KCNK2: variants seen among roughly 807,000 people sequenced by gnomAD.
KCNK2 encodes the protein potassium channel subfamily K member 2.
KCNK2 carries 21 observed loss-of-function variants against 40.5 expected under a neutral mutation model. That is an observed-to-expected ratio of 0.52 (90% CI 0.37 to 0.75). The LOEUF (loss-of-function observed/expected upper bound fraction) is 0.75, where lower values mean the gene tolerates loss of function less well. KCNK2 is among the 30% of genes least tolerant of loss of function. The pLI is 0.00. For missense variants in KCNK2, 399 were observed against 531.6 expected (o/e 0.75, Z 2.45); for synonymous variants, 191 against 202.2 (o/e 0.94, Z 0.47).
At chr1:215,070,347 C>T (rs561911254) in intron 1 of KCNK2, among the ~76,000 whole-genome samples, 229 of 134,830 alleles carry the variant, frequency 1.7e-3, no homozygotes, top group African/African-American at 6.1e-3. Flanking sequence ...ATCTGGGAGG[C>T]GGAGCTTGCA....
intron 3 of KCNK2, among the ~76,000 whole-genome samples, chr1:215,131,685 G>A (rs921718079): frequency 7.9e-5 from 12 of 151,770 alleles, no homozygotes; most frequent in African/African-American, 2.9e-4. Flanking sequence ...ATAACAAGAA[G>A]GCCACTATGG....
At chr1:215,177,197 A>G (rs998188714) in intron 5 of KCNK2, among the ~76,000 whole-genome samples, 2 of 151,332 alleles carry the variant, frequency 1.3e-5, no homozygotes, top group Non-Finnish European at 3.0e-5. Context: ...CCACTTTTTA[A>G]TTGTGTTGTT....
intron 1 of KCNK2, 114 bp downstream of exon 1, chr1:215,083,545 G>A (rs61818297): frequency 0.23 from 185,016 of 789,656 alleles, 25,438 homozygotes; most frequent in South Asian, 0.44. Flanking sequence ...TCCCATCTTC[G>A]CTTCGCGTCC....
At chr1:215,192,674 C>T (rs1664715322) in intron 5 of KCNK2, among the ~76,000 whole-genome samples, 1 of 152,150 alleles carries the variant, frequency 6.6e-6, no homozygotes, top group Admixed American at 6.6e-5. Flanking sequence ...AACAGGTTTA[C>T]ACACATATTT....
At chr1:215,135,409 C>T (rs1661861230) in intron 3 of KCNK2, among the ~76,000 whole-genome samples, 1 of 151,996 alleles carries the variant, frequency 6.6e-6, no homozygotes, top group African/African-American at 2.4e-5. Flanking sequence ...TGACTGTATA[C>T]TAATTTTTAG....
intron 3 of KCNK2, among the ~76,000 whole-genome samples, chr1:215,144,431 C>T (rs1662324161): frequency 6.6e-6 from 1 of 152,116 alleles, no homozygotes; most frequent in Non-Finnish European, 1.5e-5. Context: ...CTTGCTTTCT[C>T]TCTCCTGTCT....
Position 215,199,262 on chromosome 1 carries a change from T to C in KCNK2, c.963+4170T>C, listed in dbSNP as rs113498093. Among the ~76,000 whole-genome samples the C allele has an allele frequency of 8.0e-3, 1,222 of 152,118 alleles. 4 individuals are homozygous for C. Among genetic ancestry groups the C allele is most frequent in the Non-Finnish European group, 0.013 (908 of 68,008 alleles). On this transcript the variant is annotated intron_variant, in intron 6 of 6. Transcript: ENST00000444842. The stretch of plus-strand genomic sequence containing the variant: ...AGGCAGAGGTTCCAGTGAGCCGAGA[T>C]CATGCCACTGCACTCCAGCCTGGGT...
chr1:215,089,215 C>T (rs1220570813), intron 2 of KCNK2, among the ~76,000 whole-genome samples: 1 of 152,166 alleles, frequency 6.6e-6, no homozygotes, highest in Non-Finnish European at 1.5e-5. Flanking sequence ...AATACCACAA[C>T]ATTAAGGATT....
chr1:215,128,015 G>C (rs894033171), intron 3 of KCNK2, among the ~76,000 whole-genome samples: 1 of 152,190 alleles, frequency 6.6e-6, no homozygotes, highest in Non-Finnish European at 1.5e-5. Flanking sequence ...ACATAGATCA[G>C]TCAGGGAGAA....
intron 5 of KCNK2, among the ~76,000 whole-genome samples, chr1:215,188,949 TAGTG>T (rs1571710181): frequency 6.6e-6 from 1 of 152,198 alleles, no homozygotes; most frequent in Non-Finnish European, 1.5e-5. Context: ...GCTTAGCACT[TAGTG>T]AGAATAATTG....
chr1:215,044,020 A>T (rs1031782136), intron 1 of KCNK2, among the ~76,000 whole-genome samples: 1 of 152,186 alleles, frequency 6.6e-6, no homozygotes, highest in East Asian at 1.9e-4. Context: ...TCAAACAAAG[A>T]TAACAAATAA....
chr1:215,046,066 G>A (rs1328838869), intron 1 of KCNK2, among the ~76,000 whole-genome samples: 3 of 152,132 alleles, frequency 2.0e-5, no homozygotes, highest in Admixed American at 6.5e-5. Context: ...AACAAGAATT[G>A]TTCACAATAC....
At chr1:215,125,612 T>G (rs1164879501) in intron 3 of KCNK2, among the ~76,000 whole-genome samples, 1 of 151,602 alleles carries the variant, frequency 6.6e-6, no homozygotes, top group Non-Finnish European at 1.5e-5. Flanking sequence ...GGGGGAGGGA[T>G]AGCATTAGGA....
chr1:215,071,738 G>A (rs1490679843), intron 1 of KCNK2, among the ~76,000 whole-genome samples: 1 of 152,124 alleles, frequency 6.6e-6, no homozygotes, highest in Admixed American at 6.5e-5. Context: ...GCATGTTTGG[G>A]CATAAAATTT....
chr1:215,013,444 A>G (rs1656478313), intron 1 of KCNK2, among the ~76,000 whole-genome samples: 1 of 152,214 alleles, frequency 6.6e-6, no homozygotes, highest in African/African-American at 2.4e-5. Flanking sequence ...CACAAATTTT[A>G]GAATCAGCTT....
intron 5 of KCNK2, among the ~76,000 whole-genome samples, chr1:215,174,127 C>T (rs2102640426): frequency 6.6e-6 from 1 of 151,524 alleles, no homozygotes; most frequent in East Asian, 1.9e-4. Context: ...GTCTTTAATC[C>T]ATCTTGAATT....
At chr1:215,032,244 C>CA (rs1157477733) in intron 1 of KCNK2, among the ~76,000 whole-genome samples, 6 of 151,348 alleles carry the variant, frequency 4.0e-5, no homozygotes, top group Non-Finnish European at 1.5e-5. Context: ...CCTGTGTCTA[C>CA]AAAAAATGTT....
At chr1:215,210,358 T>C (rs1665687062) in intron 6 of KCNK2, among the ~76,000 whole-genome samples, 1 of 151,780 alleles carries the variant, frequency 6.6e-6, no homozygotes, top group East Asian at 1.9e-4. Flanking sequence ...CAAGGTCATA[T>C]ATAAGCAGGG....
intron 3 of KCNK2, among the ~76,000 whole-genome samples, chr1:215,168,302 C>A (rs1303438580): frequency 1.3e-5 from 2 of 152,178 alleles, no homozygotes; most frequent in Non-Finnish European, 2.9e-5. Context: ...GTGGTGATTC[C>A]TCAAGGATGT....
Sources: allele counts gnomAD v4.1 joint callset (sites outside exome capture counted in the v4.1 genomes callset), GRCh38; gene constraint gnomAD v4.1.1; transcripts MANE v1.5; gene names NCBI Gene and HGNC (gene_info 2026-07-23, HGNC 2026-07-21).